PAAF1: variants seen among roughly 807,000 people sequenced by gnomAD.
The protein encoded by PAAF1 is proteasomal ATPase associated factor 1, also known as proteasomal ATPase-associated factor 1.
Under a neutral mutation model 52.8 loss-of-function variants are expected in PAAF1, and 46 were observed. The observed-to-expected ratio is 0.87, with a 90% CI of 0.69 to 1.11. PAAF1 has a LOEUF of 1.11. Among genes scored for constraint, PAAF1 ranks in the 50% most tolerant of loss-of-function variants. The pLI, the probability that PAAF1 is intolerant of heterozygous loss-of-function variation, is 0.00. For missense variants in PAAF1, 424 were observed against 477.4 expected (o/e 0.89, Z 1.04); for synonymous variants, 178 against 172.8 (o/e 1.03, Z -0.24).
intron 4 of PAAF1, among the ~76,000 whole-genome samples, chr11:73,893,777 A>T (rs541643753): frequency 7.0e-6 from 1 of 143,418 alleles, no homozygotes; most frequent in Non-Finnish European, 1.5e-5. Flanking sequence ...AAAAAACTAA[A>T]CGTGGGCGCG....
At position 73,929,128 on chromosome 11, in the gene PAAF1, C is replaced by A. The variant is rs1279115872; in HGVS notation, c.*1766C>A. On this transcript the variant is annotated 3_prime_UTR_variant, in exon 12 of 12. Transcript: ENST00000310571. ...TGCGTTGGCATGATTACAGCTTCTG[C>A]CTTAACCTCCTGGGCTCAAGCAATC... 1 of 152,158 alleles carries A rather than the reference C, an allele frequency of 6.6e-6. No homozygotes were observed. Among genetic ancestry groups the A allele is most frequent in the East Asian group, 1.9e-4 (1 of 5,190 alleles). The allele number at this position is 152,158 out of a possible 1,614,324, so 9.4% of individuals were successfully genotyped here. A position where few individuals can be genotyped will look rare whatever the true frequency, so the allele number is the denominator to read the frequency against.
intron 6 of PAAF1, among the ~76,000 whole-genome samples, chr11:73,902,812 G>T (rs1792170): frequency 0.51 from 77,506 of 151,950 alleles, 21,064 homozygotes; most frequent in African/African-American, 0.72. Context: ...TTCTCCTGCC[G>T]CAGCCTCCCC....
chr11:73,881,151 A>G (rs1591036711), intron 2 of PAAF1, among the ~76,000 whole-genome samples: 1 of 152,210 alleles, frequency 6.6e-6, no homozygotes, highest in Non-Finnish European at 1.5e-5. Flanking sequence ...ACTGTAACCA[A>G]AAGGCACAGT....
At chr11:73,901,801 C>T (rs569428176) in intron 6 of PAAF1, among the ~76,000 whole-genome samples, 1 of 151,790 alleles carries the variant, frequency 6.6e-6, no homozygotes, top group East Asian at 1.9e-4. Context: ...AACTCTTGAC[C>T]TCAGGGTGAT....
In PAAF1 at chr11:73,927,271, T is replaced by A. The variant is rs1348603807; in HGVS notation, c.1102-14T>A. On this transcript the variant is annotated splice_polypyrimidine_tract_variant and intron_variant, in intron 11 of 11. Coordinates refer to ENST00000310571, the MANE Select transcript of PAAF1 (RefSeq NM_025155.3). ...TCCCAGGCTTCCTTTGAACTGTGAATTCTTGTGTTTTAGGTAGCCACATGG... is the reference window on the plus strand; with the variant it reads ...TCCCAGGCTTCCTTTGAACTGTGAAATCTTGTGTTTTAGGTAGCCACATGG... 6.2e-7 allele frequency: 1 copy of A among 1,608,102 alleles called. No individual in the cohort carries two copies. Among genetic ancestry groups the A allele is most frequent in the African/African-American group, 1.3e-5 (1 of 74,906 alleles).
rs762054737 is a variant in PAAF1 at position 73,919,000 on chromosome 11, T to C, written c.986T>C (p.Leu329Pro). 6.2e-7 allele frequency: 1 copy of C among 1,613,970 alleles called. No individual in the cohort carries two copies. Among genetic ancestry groups the C allele is most frequent in the East Asian group, 2.2e-5 (1 of 44,900 alleles). ...TCAGGAGCACCAGTTCTATCCCTGC[T>C]AAGTGTCAGAGATGGATTCATTGCT... ...HRSGAPVLSL[L>P]SVRDGFIASQ... Residue 329 changes from leucine (L) to proline (P), a missense_variant, in exon 10 of 12, where the codon CTA (leucine) becomes CCA (proline). Leu to Pro is a moderately conservative substitution (Grantham distance 98). Transcript: ENST00000310571.
intron 6 of PAAF1, among the ~76,000 whole-genome samples, chr11:73,901,101 A>G (rs1949599107): frequency 6.6e-6 from 1 of 150,858 alleles, no homozygotes. Flanking sequence ...AGAGAGAGTG[A>G]GAGAAAAGGA....
chr11:73,876,941 C>T, upstream of PAAF1: 2 of 1,396,958 alleles, frequency 1.4e-6, no homozygotes, highest in Non-Finnish European at 1.9e-6. Flanking sequence ...GTTGAGCCCA[C>T]CTCTGTCCTC....
chr11:73,901,110 G>C (rs1383275489), intron 6 of PAAF1, among the ~76,000 whole-genome samples: 1 of 151,568 alleles, frequency 6.6e-6, no homozygotes, highest in East Asian at 1.9e-4. Flanking sequence ...GAGAGAAAAG[G>C]AGATGTGTCT....
intron 4 of PAAF1, among the ~76,000 whole-genome samples, chr11:73,894,592 T>A (rs3019137): frequency 0.079 from 12,062 of 151,876 alleles, 664 homozygotes; most frequent in African/African-American, 0.16. Context: ...GTAACTAACC[T>A]GCACATTGTG....
intron 2 of PAAF1, 99 bp downstream of exon 2, chr11:73,878,918 TA>T: frequency 8.8e-7 from 1 of 1,139,036 alleles, no homozygotes; most frequent in Non-Finnish European, 1.3e-6. Context: ...CCTCCTTACA[TA>T]ATAGTCTGCA....
chr11:73,891,794 T>A (rs1949208790), intron 4 of PAAF1, among the ~76,000 whole-genome samples: 1 of 152,016 alleles, frequency 6.6e-6, no homozygotes, highest in Non-Finnish European at 1.5e-5. Context: ...AAATTTGTAA[T>A]AGTTGATGCT....
At chr11:73,924,976 A>G (rs1950312835) in intron 11 of PAAF1, among the ~76,000 whole-genome samples, 1 of 151,650 alleles carries the variant, frequency 6.6e-6, no homozygotes, top group Non-Finnish European at 1.5e-5. Flanking sequence ...AGCATGGTGA[A>G]ACCCCGTCTC....
intron 11 of PAAF1, among the ~76,000 whole-genome samples, chr11:73,925,771 A>T (rs1441169065): frequency 6.6e-6 from 1 of 152,096 alleles, no homozygotes; most frequent in African/African-American, 2.4e-5. Flanking sequence ...TACTATTCCT[A>T]TTTTTTCCTA....
chr11:73,926,310 T>C (rs1950355446), intron 11 of PAAF1, among the ~76,000 whole-genome samples: 1 of 152,182 alleles, frequency 6.6e-6, no homozygotes, highest in African/African-American at 2.4e-5. Flanking sequence ...TTCTCCATGT[T>C]GGTCAGGCTG....
chr11:73,903,164 T>C (rs1458907929), intron 6 of PAAF1, among the ~76,000 whole-genome samples: 1 of 152,202 alleles, frequency 6.6e-6, no homozygotes, highest in Admixed American at 6.5e-5. Flanking sequence ...AATGATATAC[T>C]TTAGAAGAAA....
At chr11:73,901,224 T>A (rs905371786) in intron 6 of PAAF1, among the ~76,000 whole-genome samples, 8 of 152,150 alleles carry the variant, frequency 5.3e-5, no homozygotes, top group Non-Finnish European at 8.8e-5. Context: ...TTCCCATAGA[T>A]TTAAATTACA....
chr11:73,918,481 T>A (rs1950130920), intron 9 of PAAF1, among the ~76,000 whole-genome samples: 2 of 149,730 alleles, frequency 1.3e-5, no homozygotes, highest in South Asian at 4.4e-4. Context: ...TCTTTTTTTT[T>A]TTTATTTTTT....
At chr11:73,893,661 C>T (rs147863969) in intron 4 of PAAF1, among the ~76,000 whole-genome samples, 39 of 138,168 alleles carry the variant, frequency 2.8e-4, no homozygotes, top group African/African-American at 9.1e-4. Context: ...CGCTTGAACG[C>T]GGGAGGCAGA....
Sources: allele counts gnomAD v4.1 joint callset (sites outside exome capture counted in the v4.1 genomes callset), GRCh38; gene constraint gnomAD v4.1.1; transcripts MANE v1.5; gene names NCBI Gene and HGNC (gene_info 2026-07-23, HGNC 2026-07-21).